Variants in SPMAP2L observed in about 807,000 individuals in gnomAD.
The protein encoded by SPMAP2L is sperm microtubule associated protein 2-like.
At chr4:56,588,345 T>C in the SPMAP2L span, among the ~76,000 whole-genome samples, 1 of 152,246 alleles carries the variant, frequency 6.6e-6, no homozygotes, top group African/African-American at 2.4e-5. Context: ...TATCTTTGTT[T>C]TTATTGCATT....
the SPMAP2L span, among the ~76,000 whole-genome samples, chr4:56,597,904 C>T: frequency 6.6e-6 from 1 of 151,962 alleles, no homozygotes; most frequent in Non-Finnish European, 1.5e-5. Flanking sequence ...GCTCTGTCAC[C>T]CAGGCTGGAG....
chr4:56,563,654 T>C, the SPMAP2L span, among the ~76,000 whole-genome samples: 1 of 152,178 alleles, frequency 6.6e-6, no homozygotes, highest in Non-Finnish European at 1.5e-5. Flanking sequence ...TATATAACTT[T>C]AGTAAAAAGT....
the SPMAP2L span, among the ~76,000 whole-genome samples, chr4:56,567,513 C>T: frequency 7.2e-6 from 1 of 139,220 alleles, no homozygotes. Context: ...TGGTCTCCAA[C>T]TCCTGACCTC....
the SPMAP2L span, among the ~76,000 whole-genome samples, chr4:56,571,002 C>T: frequency 6.6e-6 from 1 of 151,972 alleles, no homozygotes. Context: ...CAGGGTTTCG[C>T]CATGTTGGCC....
the SPMAP2L span, among the ~76,000 whole-genome samples, chr4:56,573,817 G>A: frequency 6.6e-6 from 1 of 151,540 alleles, no homozygotes; most frequent in Non-Finnish European, 1.5e-5. Context: ...GTGTAGACAG[G>A]CCTCAAGACT....
At chr4:56,619,473 A>G in the SPMAP2L span, among the ~76,000 whole-genome samples, 1 of 152,188 alleles carries the variant, frequency 6.6e-6, no homozygotes, top group South Asian at 2.1e-4. Flanking sequence ...ACCTCATGTA[A>G]GTGGAATCAT....
the SPMAP2L span, among the ~76,000 whole-genome samples, chr4:56,586,118 T>C: frequency 5.9e-5 from 9 of 152,074 alleles, no homozygotes; most frequent in African/African-American, 1.9e-4. Flanking sequence ...ATGCCTTGGG[T>C]GTCTGAAATG....
chr4:56,531,264 C>A, the SPMAP2L span: 3 of 1,414,448 alleles, frequency 2.1e-6, no homozygotes, highest in Non-Finnish European at 2.8e-6. Context: ...AACCGGGGGT[C>A]CTAAGGTGGA....
the SPMAP2L span, among the ~76,000 whole-genome samples, chr4:56,586,496 A>G: frequency 6.6e-6 from 1 of 152,152 alleles, no homozygotes; most frequent in African/African-American, 2.4e-5. Context: ...TCCTAATTCA[A>G]TCACTGGGGG....
chr4:56,569,856 A>G, the SPMAP2L span, among the ~76,000 whole-genome samples: 1 of 152,308 alleles, frequency 6.6e-6, no homozygotes, highest in South Asian at 2.1e-4. Flanking sequence ...CTATTATACT[A>G]TCATGCCGGG....
At chr4:56,622,578 G>T in the SPMAP2L span, among the ~76,000 whole-genome samples, 1 of 152,274 alleles carries the variant, frequency 6.6e-6, no homozygotes, top group Non-Finnish European at 1.5e-5. Context: ...TTAGTATCTT[G>T]TTGATCAGCA....
At chr4:56,575,373 A>C in the SPMAP2L span, 1 of 1,079,182 alleles carries the variant, frequency 9.3e-7, no homozygotes. Flanking sequence ...TTCTCCTCAC[A>C]TGGAAAATAG....
At chr4:56,570,359 AC>A in the SPMAP2L span, among the ~76,000 whole-genome samples, 3 of 152,240 alleles carry the variant, frequency 2.0e-5, no homozygotes, top group Non-Finnish European at 4.4e-5. Context: ...TGTTGTACAA[AC>A]ATCATAAAGT....
At chr4:56,536,183 C>G in the SPMAP2L span, among the ~76,000 whole-genome samples, 1 of 152,216 alleles carries the variant, frequency 6.6e-6, no homozygotes, top group African/African-American at 2.4e-5. Flanking sequence ...GGAACCCCTG[C>G]TCTAAAGTCC....
chr4:56,593,275 C>T, the SPMAP2L span: 2 of 1,198,264 alleles, frequency 1.7e-6, no homozygotes, highest in Non-Finnish European at 2.5e-6. Context: ...TGCAGAGGCG[C>T]TGCAGCTGTG....
At chr4:56,568,977 A>G in the SPMAP2L span, among the ~76,000 whole-genome samples, 7 of 152,208 alleles carry the variant, frequency 4.6e-5, no homozygotes, top group Non-Finnish European at 7.3e-5. Flanking sequence ...TCTGTGTTGT[A>G]GCATGTATAA....
At chr4:56,543,166 C>T in the SPMAP2L span, among the ~76,000 whole-genome samples, 1 of 151,610 alleles carries the variant, frequency 6.6e-6, no homozygotes, top group African/African-American at 2.4e-5. Context: ...TCACTGAAAG[C>T]TCCGCCTCCC....
the SPMAP2L span, chr4:56,600,848 T>C: frequency 4.6e-6 from 6 of 1,318,338 alleles, no homozygotes; most frequent in African/African-American, 5.9e-5. Context: ...AAAGAAATGA[T>C]TGTGACTTAA....
chr4:56,575,131 A>G, the SPMAP2L span, among the ~76,000 whole-genome samples: 1 of 150,398 alleles, frequency 6.6e-6, no homozygotes, highest in African/African-American at 2.5e-5. Context: ...CACCTGTAGT[A>G]CCAGCTACTC....
Sources: gnomAD v4.1 joint callset for allele counts (sites outside exome capture counted in the v4.1 genomes callset) on GRCh38, gnomAD v4.1.1 for gene constraint, MANE v1.5 for transcripts, NCBI Gene and HGNC (gene_info 2026-07-23, HGNC 2026-07-21) for gene names.